The following DNAH8 variants were observed in gnomAD, a reference collection of about 807,000 sequenced individuals.
DNAH8 encodes dynein axonemal heavy chain 8.
DNAH8 carries 382 observed loss-of-function variants against 562.1 expected under a neutral mutation model. The ratio of observed to expected loss-of-function variants is 0.68; its 90% CI spans 0.63 to 0.74. The LOEUF is 0.74. DNAH8 is among the 30% of genes least tolerant of loss of function. The pLI, the probability that DNAH8 is intolerant of heterozygous loss-of-function variation, is 0.00. For synonymous variants in DNAH8, 1,881 were observed against 1,919.4 expected, an observed-to-expected ratio of 0.98 and a Z score of 0.52; for missense variants, 5,203 against 5,620.4, an observed-to-expected ratio of 0.93 and a Z score of 2.37.
At chr6:39,028,289 TGG>T (rs1767429157) in intron 92 of DNAH8, among the ~76,000 whole-genome samples, 1 of 152,212 alleles carries the variant, frequency 6.6e-6, no homozygotes, top group Non-Finnish European at 1.5e-5. Flanking sequence ...TTACCTTGGG[TGG>T]CTAAAAACAA....
In DNAH8 at chr6:38,857,607, G is replaced by T. The variant is rs142028718; in HGVS notation, c.5823G>T (p.Val1941=). 5 of 1,613,790 alleles carry T rather than the reference G, an allele frequency of 3.1e-6. No homozygotes were observed. The highest frequency in any genetic ancestry group is 1.1e-5 in the South Asian group (1 of 91,050). The change falls in exon 42 of 93, where the codon GTG becomes GTT. Residue 1941 remains valine, a synonymous_variant. Transcript: ENST00000327475. The part of the protein sequence containing the change: ...NAKDDRKIMQ[V]TNQKFLDILN... ...AAGATGACAGGAAAATCATGCAAGT[G>T]ACCAATCAGAAATTTTTGGATATTC...
chr6:38,803,008 T>G (rs1177357122), intron 21 of DNAH8, among the ~76,000 whole-genome samples, 171 bp from the exon 22 acceptor site: 1 of 152,254 alleles, frequency 6.6e-6, no homozygotes, highest in Non-Finnish European at 1.5e-5. Context: ...GCAGCTATGC[T>G]TTTAGCCATT....
In DNAH8 at chr6:38,770,472, T is replaced by A. The variant is rs201711281; in HGVS notation, c.1677T>A (p.Ile559=). ...QASFHKTRKL[I]SESSGEKSFE... Reference sequence around the variant, plus strand: ...CTTTTCATAAAACAAGGAAACTGATTTCAGAATCCTCAGGGGAAAAATCTT... The same window carrying A: ...CTTTTCATAAAACAAGGAAACTGATATCAGAATCCTCAGGGGAAAAATCTT... Residue 559 remains isoleucine (I), a synonymous_variant, in exon 12 of 93, where the codon ATT becomes ATA. Coordinates refer to ENST00000327475, the MANE Select transcript of DNAH8 (RefSeq NM_001206927.2). The A allele has an allele frequency of 8.1e-6, 13 of 1,607,982 alleles. No homozygotes were observed. The highest frequency in any genetic ancestry group is 1.1e-5 in the Non-Finnish European group (13 of 1,176,738).
Position 38,826,344 on chromosome 6 carries a change from A to T in DNAH8, c.4036A>T (p.Ile1346Leu), listed in dbSNP as rs1184830557. 6.2e-7 allele frequency: 1 copy of T among 1,612,760 alleles called. No homozygotes were observed. The stretch of plus-strand genomic sequence containing the variant: ...ATTTGCAATGGAAGCCTTGTCTTGC[A>T]TACGTGATAATGAAATTCAAATGGA... ...VRFAMEALSC[I>L]RDNEIQMDMT... The change falls in exon 29 of 93, where the codon ATA becomes TTA. Residue 1346 changes from isoleucine (I) to leucine (L), a missense_variant. By Grantham distance (5) the Ile-to-Leu change is conservative. This residue lies in a region of DNAH8 where 2,176 missense variants were observed against 2,365.1 expected (regional missense o/e 0.92). Coordinates refer to ENST00000327475, the MANE Select transcript of DNAH8 (RefSeq NM_001206927.2).
In DNAH8 at chr6:38,789,830, T is replaced by C. The variant is rs1354978930; in HGVS notation, c.2611T>C (p.Cys871Arg). 4 of 1,612,770 alleles carry C rather than the reference T, an allele frequency of 2.5e-6. No individual in the cohort carries two copies. In the African/African-American group the frequency reaches 4.0e-5, roughly 16 times the overall value. Residue 871 changes from cysteine to arginine, a missense_variant, in exon 19 of 93, where the codon TGT becomes CGT. Cys to Arg is a radical substitution (Grantham distance 180). Coordinates refer to ENST00000327475, the MANE Select transcript of DNAH8 (RefSeq NM_001206927.2). ...QGLLQYYDEL[C>R]QEVPSVFVNL... ...TCTTCTGCAATATTATGATGAGTTA[T>C]GTCAGGAAGTGCCTTCTGTGTTTGT...
In DNAH8 at chr6:38,755,527, G is replaced by A. The variant is rs1765833644; in HGVS notation, c.1408-445G>A. On this transcript the variant is annotated intron_variant, in intron 9 of 92. Coordinates refer to ENST00000327475, the MANE Select transcript of DNAH8 (RefSeq NM_001206927.2). The stretch of plus-strand genomic sequence containing the variant: ...AAAACACGAACTGAGTTGCATAAAA[G>A]AAAATGAATGCTAGTCTGATTTCTA... Among the ~76,000 whole-genome samples the A allele has an allele frequency of 1.3e-5, 2 of 152,120 alleles. 1 individual carries two copies. The highest frequency in any genetic ancestry group is 4.1e-4 in the South Asian group (2 of 4,824).
intron 74 of DNAH8, chr6:38,929,285 C>T (rs563483470): frequency 5.6e-6 from 2 of 357,202 alleles, no homozygotes; most frequent in South Asian, 7.5e-5. Context: ...TAACCCTCCT[C>T]TTTTGATCAT....
chr6:38,881,524 A>G (rs983575224), intron 53 of DNAH8, among the ~76,000 whole-genome samples: 2 of 151,760 alleles, frequency 1.3e-5, no homozygotes, highest in South Asian at 2.1e-4. Flanking sequence ...AGATGCTAAA[A>G]TGTAAATAAA....
chr6:38,779,782 A>G (rs1292526319), intron 14 of DNAH8, among the ~76,000 whole-genome samples, 184 bp from the exon 15 acceptor site: 1 of 152,214 alleles, frequency 6.6e-6, no homozygotes, highest in Non-Finnish European at 1.5e-5. Flanking sequence ...TTTCCATAAG[A>G]TAATTGTGGG....
At chr6:38,793,442 T>C (rs1388347877) in intron 21 of DNAH8, among the ~76,000 whole-genome samples, 1 of 152,244 alleles carries the variant, frequency 6.6e-6, no homozygotes, top group Non-Finnish European at 1.5e-5. Flanking sequence ...TTGATATTGA[T>C]GTAATTATAC....
At chr6:38,854,143 T>G (rs1563001935) in intron 41 of DNAH8, among the ~76,000 whole-genome samples, 1 of 152,102 alleles carries the variant, frequency 6.6e-6, no homozygotes, top group Admixed American at 6.6e-5. Flanking sequence ...ATGAAATCCA[T>G]CTTGTCTTTA....
At chr6:38,870,843 G>A (rs573579236) in intron 49 of DNAH8, among the ~76,000 whole-genome samples, 48 of 152,282 alleles carry the variant, frequency 3.2e-4, no homozygotes, top group African/African-American at 9.1e-4. Context: ...AACTCTAGGG[G>A]AACGGAACAA....
chr6:38,980,889 T>G (rs1309061236), intron 85 of DNAH8, among the ~76,000 whole-genome samples: 1 of 152,168 alleles, frequency 6.6e-6, no homozygotes, highest in Non-Finnish European at 1.5e-5. Context: ...TTGAATTTTC[T>G]GAATTCCTTC....
At chr6:38,889,442 C>T (rs192612600) in intron 57 of DNAH8, among the ~76,000 whole-genome samples, 4 of 152,164 alleles carry the variant, frequency 2.6e-5, no homozygotes, top group East Asian at 1.9e-4. Flanking sequence ...CAAGGATGAA[C>T]GTACAAGGGC....
intron 70 of DNAH8, 48 bp downstream of exon 70, chr6:38,918,188 A>C: frequency 7.3e-7 from 1 of 1,375,424 alleles, no homozygotes. Flanking sequence ...TCATAAAATC[A>C]GTCATCAGTA....
At chr6:38,844,271 T>C (rs1049962333) in intron 35 of DNAH8, among the ~76,000 whole-genome samples, 1 of 152,222 alleles carries the variant, frequency 6.6e-6, no homozygotes, top group East Asian at 1.9e-4. Context: ...GCTTTTCCAC[T>C]TTTGGTTCAT....
At position 38,791,779 on chromosome 6, in the gene DNAH8, C is replaced by CT. The variant is rs3839625; in HGVS notation, c.2901+116dup. 0.16 allele frequency: 154,094 copies of CT among 942,838 alleles called. 3,351 individuals carry two copies. Among genetic ancestry groups the CT allele is most frequent in the East Asian group, 0.3 (9,315 of 30,792 alleles). 58.4% of individuals were successfully genotyped at this position (942,838 alleles called of 1,614,324 possible). A position where few individuals can be genotyped will look rare whatever the true frequency, so the allele number is the denominator to read the frequency against. ...GAAACCTGGGTCAGTAGCATTTAGA[C>CT]TTTTTTTTTTTGTTTTTTGTGAACA... On this transcript the variant is annotated intron_variant, in intron 21 of 92. Transcript: ENST00000327475.
intron 92 of DNAH8, among the ~76,000 whole-genome samples, chr6:39,029,240 T>C (rs1325654359): frequency 6.6e-6 from 1 of 152,112 alleles, no homozygotes; most frequent in Non-Finnish European, 1.5e-5. Flanking sequence ...CCTTTCTTTG[T>C]AGTGTTACTT....
chr6:38,942,850 C>G (rs1042531455), intron 79 of DNAH8, among the ~76,000 whole-genome samples: 1 of 152,216 alleles, frequency 6.6e-6, no homozygotes, highest in African/African-American at 2.4e-5. Context: ...ACCTACCAAC[C>G]AGGCAGACCA....
Sources: allele counts gnomAD v4.1 joint callset (sites outside exome capture counted in the v4.1 genomes callset), GRCh38; gene constraint gnomAD v4.1.1; regional missense constraint gnomAD v4.1.1; transcripts MANE v1.5; gene names NCBI Gene and HGNC (gene_info 2026-07-23, HGNC 2026-07-21).